Variants in COL6A2 observed in about 807,000 individuals in gnomAD.
COL6A2 encodes the protein collagen alpha-2(VI) chain.
Under a neutral mutation model 124.9 loss-of-function variants are expected in COL6A2, and 90 were observed. The ratio of observed to expected loss-of-function variants is 0.72; its 90% confidence interval spans 0.61 to 0.86. The LOEUF is 0.86. Among genes scored for constraint, COL6A2 ranks in the 40% least tolerant of loss-of-function variants. COL6A2 has a pLI of 0.00. For missense variants in COL6A2, 1,607 were observed against 1,502.5 expected, an observed-to-expected ratio of 1.07 and a Z score of -1.15; for synonymous variants, 793 against 618.2, an observed-to-expected ratio of 1.28 and a Z score of -4.19.
At chr21:46,112,929 G>A in intron 4 of COL6A2, 105 bp downstream of exon 4, 6 of 1,422,654 alleles carry the variant, frequency 4.2e-6, no homozygotes, top group Non-Finnish European at 4.9e-6. Context: ...GAACAGATGA[G>A]AGGAGAGGGA....
rs753140722 is a variant in COL6A2, at chr21:46,124,933, T to C, written c.1770+13T>C. The stretch of plus-strand genomic sequence containing the variant: ...CCCCGGTCTCACGGTAGGTGTCACA[T>C]GGGGCAGAACCAGTGTCCTTCTCCT... On this transcript the variant is annotated intron_variant, in intron 23 of 27. Transcript: ENST00000300527. The C allele has an allele frequency of 7.4e-6, 12 of 1,612,604 alleles. No individual in the cohort carries two copies. Among genetic ancestry groups the C allele is most frequent in the East Asian group, 2.2e-5 (1 of 44,872 alleles).
intron 27 of COL6A2, among the ~76,000 whole-genome samples, chr21:46,126,748 G>GA (rs1319072184): frequency 6.6e-6 from 1 of 152,178 alleles, no homozygotes; most frequent in Non-Finnish European, 1.5e-5. Flanking sequence ...AGGAACGCAG[G>GA]AACAGCATCA....
At chr21:46,129,223 C>T (rs369164026) in intron 27 of COL6A2, 26 of 1,612,816 alleles carry the variant, frequency 1.6e-5, no homozygotes, top group East Asian at 1.1e-4. Context: ...GGCGAGCCCC[C>T]GGTCACCTTC....
Position 46,116,976 on chromosome 21 carries a change from A to T in COL6A2, c.999+162A>T, listed in dbSNP as rs1242467674. On this transcript the variant is annotated intron_variant, in intron 10 of 27. Transcript: ENST00000300527. The surrounding 1 kb of genome is among the most constrained non-coding windows in gnomAD (Gnocchi z 4.6). The stretch of plus-strand genomic sequence containing the variant: ...ACACACGAACTTCAGCTCCTGCCAC[A>T]TCCCACTGCCCCACCCAGGGCTTCA... 1.3e-5 allele frequency among the ~76,000 whole-genome samples: 2 copies of T among 150,670 alleles called. No homozygotes were observed. Among genetic ancestry groups the T allele is most frequent in the Non-Finnish European group, 3.0e-5 (2 of 67,706 alleles).
chr21:46,129,729 T>G (rs1187726494), intron 27 of COL6A2: 19 of 1,387,560 alleles, frequency 1.4e-5, no homozygotes. Context: ...GCCGCTCTCT[T>G]TATAAGAACC....
Position 46,112,142 on chromosome 21 carries a change from C to A in COL6A2, c.279C>A (p.Ser93Arg). 1 of 1,613,162 alleles carries A rather than the reference C, an allele frequency of 6.2e-7. No homozygotes were observed. The highest frequency in any genetic ancestry group is 1.1e-5 in the South Asian group (1 of 91,092). The stretch of plus-strand genomic sequence containing the variant: ...TCTACCTGGACCAGGTGGCGCTGAG[C>A]TGGCGCTACGGCGGCCTGCACTTCT... The part of the protein sequence containing the change: ...NEFYLDQVAL[S>R]WRYGGLHFSD... Residue 93 changes from serine to arginine, a missense_variant, in exon 3 of 28, where the codon AGC becomes AGA. By Grantham distance (110) the Ser-to-Arg change is moderately radical (BLOSUM62 -1). Transcript: ENST00000300527.
In COL6A2 at chr21:46,126,155, A is replaced by G. The variant is rs757806161; in HGVS notation, c.2340A>G (p.Pro780=). The change falls in exon 26 of 28, where the codon CCA becomes CCG. Residue 780 remains proline, a synonymous_variant. Transcript: ENST00000300527. ...TCTACTCCATCGCCTGCGACAAGCC[A>G]CAGCAGGTGCGCAACATGACGCTGT... The part of the protein sequence containing the change: ...ENLYSIACDK[P]QQVRNMTLFS... 3 of 1,610,474 alleles carry G rather than the reference A, an allele frequency of 1.9e-6. No individual in the cohort carries two copies. Among genetic ancestry groups the G allele is most frequent in the Non-Finnish European group, 2.5e-6 (3 of 1,179,984 alleles).
chr21:46,109,520 A>G (rs2078372151), intron 1 of COL6A2, among the ~76,000 whole-genome samples: 2 of 152,118 alleles, frequency 1.3e-5, no homozygotes, highest in Non-Finnish European at 1.5e-5. Context: ...CCAGGAGCCT[A>G]TCTGCCTCCT....
chr21:46,119,161 A>G, intron 14 of COL6A2, 42 bp downstream of exon 14: 1 of 1,480,002 alleles, frequency 6.8e-7, no homozygotes. Flanking sequence ...CGCTCTGGGC[A>G]TCCTCCTTGC....
intron 12 of COL6A2, 136 bp from the exon 13 acceptor site, chr21:46,118,478 T>G (rs2078510697): frequency 2.5e-6 from 2 of 790,128 alleles, no homozygotes; most frequent in Non-Finnish European, 4.3e-6. Context: ...AGCCAGCATC[T>G]GGCATCCCAG....
rs1183866054 is a variant in COL6A2 at position 46,119,837 on chromosome 21, C to T, written c.1319C>T (p.Pro440Leu). The T allele has an allele frequency of 6.4e-7, 1 of 1,560,492 alleles. No homozygotes were observed. The change falls in exon 15 of 28, where the codon CCC becomes CTC. Residue 440 changes from proline to leucine, a missense_variant. Around this residue, in one of 3 missense-constraint regions of COL6A2, gnomAD observed 1,223 missense variants for 1,052.2 expected, o/e 1.16. Transcript: ENST00000300527. ...GTKGSPGSDG[P>L]KGEKGDPGPE... Reference sequence around the variant, plus strand: ...AAGGGCAGCCCAGGCAGCGATGGCCCCAAGGGGGAGAAGGTGAGTCCTCGT... The same window carrying T: ...AAGGGCAGCCCAGGCAGCGATGGCCTCAAGGGGGAGAAGGTGAGTCCTCGT...
Position 46,124,875 on chromosome 21 carries a change from C to T in COL6A2, c.1735-10C>T, listed in dbSNP as rs751247823. 6.2e-7 allele frequency: 1 copy of T among 1,612,874 alleles called. No individual in the cohort carries two copies. The highest frequency in any genetic ancestry group is 1.7e-5 in the Admixed American group (1 of 60,030). On this transcript the variant is annotated splice_polypyrimidine_tract_variant and intron_variant, in intron 22 of 27. Coordinates refer to ENST00000300527, the MANE Select transcript of COL6A2 (RefSeq NM_001849.4). ...GCCCCAGAGTCTCAGCCTCATCCTT[C>T]CTTCCCCAGGGTGAGCCCGGCCCCC...
At chr21:46,131,807 G>C (rs2078763446) in intron 27 of COL6A2, 147 bp from the exon 28 acceptor site, 1 of 745,664 alleles carries the variant, frequency 1.3e-6, no homozygotes, top group Non-Finnish European at 2.3e-6. Context: ...CACACCCAGG[G>C]CTGCCCTGCA....
At chr21:46,130,245 G>A (rs950306888) in intron 27 of COL6A2, among the ~76,000 whole-genome samples, 50 of 152,206 alleles carry the variant, frequency 3.3e-4, no homozygotes, top group African/African-American at 1.1e-3. Context: ...CCCAACCTCT[G>A]GGTCTCCAAA....
chr21:46,122,932 G>GAGAAAGGAT lies in COL6A2; in HGVS notation c.1668_1669insAAAGGATAG (p.Glu556_Pro557insLysGlyTer). 1 of 1,613,246 alleles carries GAGAAAGGAT rather than the reference G, an allele frequency of 6.2e-7. No homozygotes were observed. The highest frequency in any genetic ancestry group is 8.5e-7 in the Non-Finnish European group (1 of 1,179,956). On this transcript the variant is annotated stop_gained and inframe_insertion, in exon 21 of 28. Transcript: ENST00000300527. LOFTEE classifies it high-confidence loss of function. ...ACCTGGGAGGAAAGGAGAGAAAGGA[G>GAGAAAGGAT]AGCCTGTGAGTGTCACCGTCCCGAA...
intron 1 of COL6A2, among the ~76,000 whole-genome samples, chr21:46,101,067 C>T (rs1003775169): frequency 5.9e-5 from 9 of 152,132 alleles, no homozygotes; most frequent in Non-Finnish European, 1.0e-4. Flanking sequence ...TGTCATTTTC[C>T]GGGTTCGCTT....
In COL6A2 at chr21:46,112,378, G is replaced by C. The variant is rs756334987; in HGVS notation, c.515G>C (p.Gly172Ala). The change falls in exon 3 of 28, where the codon GGC (glycine) becomes GCC (alanine). Residue 172 changes from glycine to alanine, a missense_variant. Physicochemically the swap from Gly to Ala is moderately conservative, Grantham distance 60 (BLOSUM62 0). This residue lies in a region of COL6A2 where 342 missense variants were observed against 381.5 expected (regional missense o/e 0.90). Coordinates refer to ENST00000300527, the MANE Select transcript of COL6A2 (RefSeq NM_001849.4). ...DGHVTGSPCG[G>A]IKLQAERARE... Reference sequence around the variant, plus strand: ...CACGTCACCGGCAGCCCCTGCGGGGGCATCAAGCTGCAGGCCGAGCGGGCC... The same window carrying C: ...CACGTCACCGGCAGCCCCTGCGGGGCCATCAAGCTGCAGGCCGAGCGGGCC... 1 of 1,607,968 alleles carries C rather than the reference G, an allele frequency of 6.2e-7. No individual in the cohort carries two copies. Among genetic ancestry groups the C allele is most frequent in the South Asian group, 1.1e-5 (1 of 90,882 alleles).
chr21:46,116,838 G>T lies in COL6A2; in HGVS notation c.999+24G>T. ...AGGTAGAGGGAGCCTCGGGCTCACA[G>T]CTGGACTGGTCTCACAGAGGCATCC... On this transcript the variant is annotated intron_variant, in intron 10 of 27. Coordinates refer to ENST00000300527, the MANE Select transcript of COL6A2 (RefSeq NM_001849.4). The surrounding 1 kb of genome is among the most constrained non-coding windows in gnomAD (Gnocchi z 4.6). 6.2e-7 allele frequency: 1 copy of T among 1,612,502 alleles called. No individual in the cohort carries two copies. Among genetic ancestry groups the T allele is most frequent in the Non-Finnish European group, 8.5e-7 (1 of 1,179,856 alleles).
At chr21:46,118,969 G>T in intron 13 of COL6A2, 61 bp from the exon 14 acceptor site, 1 of 1,326,288 alleles carries the variant, frequency 7.5e-7, no homozygotes, top group East Asian at 2.3e-5. Context: ...ACACCGCACA[G>T]GCGTGACCAT....
Sources: gnomAD v4.1 joint callset for allele counts (sites outside exome capture counted in the v4.1 genomes callset) on GRCh38, gnomAD v4.1.1 for gene constraint, gnomAD v4.1.1 regional missense constraint, Gnocchi (gnomAD v3.1) non-coding constraint, MANE v1.5 for transcripts, NCBI Gene and HGNC (gene_info 2026-07-23, HGNC 2026-07-21) for gene names.